Variants in C16orf96 observed in about 807,000 individuals in gnomAD.
C16orf96 encodes uncharacterized protein C16orf96.
Under a neutral mutation model 103.6 loss-of-function variants are expected in C16orf96, and 108 were observed. The observed-to-expected ratio is 1.04, with a 90% CI of 0.89 to 1.22. C16orf96 has a LOEUF of 1.22. Ranked by LOEUF, C16orf96 falls within the 50% of genes most tolerant of loss-of-function variation. The pLI, the probability that C16orf96 is intolerant of heterozygous loss-of-function variation, is 0.00. For missense variants in C16orf96, 1,586 were observed against 1,464.2 expected (o/e 1.08, Z -1.36); for synonymous variants, 566 against 593.5 (o/e 0.95, Z 0.67).
At chr16:4,586,936 C>T in intron 7 of C16orf96, 103 bp from the exon 8 acceptor site, 3 of 1,075,692 alleles carry the variant, frequency 2.8e-6, no homozygotes, top group Non-Finnish European at 4.1e-6. Flanking sequence ...TCCACACGGC[C>T]TGCTATCCCT....
intron 1 of C16orf96, among the ~76,000 whole-genome samples, chr16:4,566,731 T>C (rs78545790): frequency 6.6e-6 from 1 of 152,092 alleles, no homozygotes; most frequent in Admixed American, 6.6e-5. Flanking sequence ...CTATTTCTGC[T>C]TGAGTCAGTT....
chr16:4,599,719 C>T (rs11862083), intron 15 of C16orf96, among the ~76,000 whole-genome samples: 11,145 of 152,276 alleles, frequency 0.073, 765 homozygotes, highest in African/African-American at 0.18. Flanking sequence ...AACCTCATCC[C>T]GACTCCTGTG....
In C16orf96 at chr16:4,600,345, C is replaced by T. The variant is rs1314245263; in HGVS notation, c.*28C>T. 2 of 1,480,248 alleles carry T rather than the reference C, an allele frequency of 1.4e-6. No homozygotes were observed. The highest frequency in any genetic ancestry group is 2.0e-5 in the Admixed American group (1 of 50,838). The allele number at this position is 1,480,248 out of a possible 1,614,324, so 91.7% of individuals were successfully genotyped here. A position where few individuals can be genotyped will look rare whatever the true frequency, so the allele number is the denominator to read the frequency against. On this transcript the variant is annotated 3_prime_UTR_variant, in exon 16 of 16. Transcript: ENST00000444310. ...CCCACCCCGCTGCGCCCCCCATCGC[C>T]AAGTCCCCTCCACGTCCGAGGCTGA...
In C16orf96 at chr16:4,594,511, G is replaced by A. The variant is rs1596539365; in HGVS notation, c.3027+1G>A. 5 of 1,550,354 alleles carry A rather than the reference G, an allele frequency of 3.2e-6. No homozygotes were observed. Among genetic ancestry groups the A allele is most frequent in the Non-Finnish European group, 2.6e-6 (3 of 1,146,272 alleles). On this transcript the variant is annotated splice_donor_variant, in intron 13 of 15. Transcript: ENST00000444310. LOFTEE classifies it high-confidence loss of function. Reference sequence around the variant, plus strand: ...TCCCCACGTGATCGACTATGACAGCGTGAGTCTGGCCGGGGCCTCCTTCTC... The same window carrying A: ...TCCCCACGTGATCGACTATGACAGCATGAGTCTGGCCGGGGCCTCCTTCTC...
intron 9 of C16orf96, among the ~76,000 whole-genome samples, chr16:4,589,002 C>T (rs1019257444): frequency 5.9e-5 from 9 of 152,094 alleles, no homozygotes; most frequent in Non-Finnish European, 1.0e-4. Context: ...GGGGCTGTGA[C>T]TCCTCTAGAC....
rs565539194 is a variant in C16orf96 at position 4,579,029 on chromosome 16, A to G, written c.2241+4A>G. ...CCTCCAGAAATCTAGGCTCAAGGTT[A>G]GTGTCTCCGGCGAAGGGCTTTTGAG... On this transcript the variant is annotated splice_donor_region_variant and intron_variant, in intron 6 of 15. Coordinates refer to ENST00000444310, the MANE Select transcript of C16orf96 (RefSeq NM_001145011.2). The G allele has an allele frequency of 5.0e-5, 77 of 1,551,260 alleles. 1 individual carries two copies. The South Asian group carries it at 9.2e-4, about 18-fold the overall frequency.
chr16:4,593,419 C>A lies in C16orf96; in HGVS notation c.2867+103C>A. On this transcript the variant is annotated intron_variant, in intron 12 of 15. Coordinates refer to ENST00000444310, the MANE Select transcript of C16orf96 (RefSeq NM_001145011.2). This position sits in a 1 kb window ranked among gnomAD's most constrained non-coding sequence, Gnocchi z 4.2. ...GAGACACATCCTCCAGGCCCAGGGA[C>A]CTAAGATTGTCCTGGACATGGCCAG... The A allele has an allele frequency of 8.7e-7, 1 of 1,154,214 alleles. No individual in the cohort carries two copies. Among genetic ancestry groups the A allele is most frequent in the Non-Finnish European group, 1.2e-6 (1 of 806,486 alleles). 71.5% of individuals were successfully genotyped at this position (1,154,214 alleles called of 1,614,324 possible).
chr16:4,558,345 G>A, intron 1 of C16orf96, among the ~76,000 whole-genome samples: 1 of 152,346 alleles, frequency 6.6e-6, no homozygotes, highest in South Asian at 2.1e-4. Context: ...GCCGAGCACA[G>A]TGGCTCACAC....
In C16orf96 at chr16:4,575,618, C is replaced by G; in HGVS notation, c.1138C>G (p.Pro380Ala). ...ACCTGTGCCTGCCCCAGGTGCCCAG[C>G]CTCCACCACTGGGAGACTGGCCTGC... ...LGPVPAPGAQ[P>A]PPLGDWPALP... is the part of the protein sequence containing the mutation. The change falls in exon 5 of 16, where the codon CCT becomes GCT. Residue 380 changes from proline to alanine, a missense_variant. Transcript: ENST00000444310. The G allele has an allele frequency of 6.6e-7, 1 of 1,518,968 alleles. No individual in the cohort carries two copies. The highest frequency in any genetic ancestry group is 8.8e-7 in the Non-Finnish European group (1 of 1,132,900). The allele number at this position is 1,518,968 out of a possible 1,614,324, so 94.1% of individuals were successfully genotyped here. A position where few individuals can be genotyped will look rare whatever the true frequency, so the allele number is the denominator to read the frequency against.
At position 4,576,301 on chromosome 16, in the gene C16orf96, T is replaced by C; in HGVS notation, c.1821T>C (p.Ile607=). 1 of 1,550,804 alleles carries C rather than the reference T, an allele frequency of 6.4e-7. No individual in the cohort carries two copies. The highest frequency in any genetic ancestry group is 8.7e-7 in the Non-Finnish European group (1 of 1,146,996). Residue 607 remains isoleucine (I), a synonymous_variant, in exon 5 of 16, where the codon ATT becomes ATC. Coordinates refer to ENST00000444310, the MANE Select transcript of C16orf96 (RefSeq NM_001145011.2). The stretch of plus-strand genomic sequence containing the variant: ...CCCCAGCCACCAAAATGGCCGCCAT[T>C]GCAACAGACACGGCTGCAGCTGGGC... ...KDAPATKMAA[I]ATDTAAAGPL... is the part of the protein sequence containing the mutation.
At chr16:4,560,185 T>C (rs528729510) in intron 1 of C16orf96, 1 of 152,022 alleles carries the variant, frequency 6.6e-6, no homozygotes, top group South Asian at 2.1e-4. Context: ...GCCTGGCTAA[T>C]TTTTCTTTGC....
chr16:4,575,919 AG>A lies in C16orf96; in HGVS notation c.1441del (p.Asp481IlefsTer84), dbSNP rs1401874768. 1 of 1,551,478 alleles carries A rather than the reference AG, an allele frequency of 6.4e-7. No homozygotes were observed. Among genetic ancestry groups the A allele is most frequent in the African/African-American group, 1.4e-5 (1 of 73,050 alleles). ...AGGGCCCGCAAGGATGGGGCCCCCA[AG>A]GATAGAACTCGCAAGGATGGGGTCC... ...RERARKDGAP[K>X]DRTRKDGVPK... On this transcript the variant is annotated frameshift_variant, in exon 5 of 16. Transcript: ENST00000444310. LOFTEE classifies it high-confidence loss of function.
Position 4,575,298 on chromosome 16 carries a change from AC to A in C16orf96, c.823del (p.Gln275SerfsTer84), listed in dbSNP as rs948520506. ...ATCCAGGTCTCCGAGCCCGTCCAAA[AC>A]CCCCAGCTACTGCAGACTGTCTGGC... Reference protein sequence around the residue: ...RAIQVSEPVQNPQLLQTVWHY... With the variant: ...RAIQVSEPVQXPQLLQTVWHY... On this transcript the variant is annotated frameshift_variant, in exon 5 of 16. Coordinates refer to ENST00000444310, the MANE Select transcript of C16orf96 (RefSeq NM_001145011.2). LOFTEE classifies it high-confidence loss of function. 2 of 1,550,726 alleles carry A rather than the reference AC, an allele frequency of 1.3e-6. No homozygotes were observed. The highest frequency in any genetic ancestry group is 1.4e-5 in the African/African-American group (1 of 73,006).
intron 7 of C16orf96, among the ~76,000 whole-genome samples, chr16:4,586,606 G>T (rs1290241132): frequency 6.6e-6 from 1 of 152,228 alleles, no homozygotes; most frequent in South Asian, 2.1e-4. Context: ...TGTGGGGATA[G>T]GACGTGAGGT....
intron 1 of C16orf96, among the ~76,000 whole-genome samples, chr16:4,562,107 C>A (rs918220945): frequency 6.6e-6 from 1 of 152,140 alleles, no homozygotes; most frequent in Non-Finnish European, 1.5e-5. Flanking sequence ...AGCCATTAAT[C>A]CTGTAGCTTC....
chr16:4,597,619 C>T (rs1234012487), intron 14 of C16orf96, among the ~76,000 whole-genome samples: 2 of 151,436 alleles, frequency 1.3e-5, no homozygotes, highest in East Asian at 3.9e-4. Flanking sequence ...TGCAGTGGGG[C>T]GATCTCAGCT....
In C16orf96 at chr16:4,558,900, C is replaced by T. The variant is rs770022072; in HGVS notation, c.420+1991C>T. On this transcript the variant is annotated intron_variant, in intron 1 of 15. Coordinates refer to ENST00000444310, the MANE Select transcript of C16orf96 (RefSeq NM_001145011.2). The stretch of plus-strand genomic sequence containing the variant: ...ACTGCATTCCAGCCTGGTGACAGAG[C>T]GAGACTCTGTCTCAAAAAAAAAAAA... 6.2e-5 allele frequency among the ~76,000 whole-genome samples: 8 copies of T among 129,108 alleles called. No individual in the cohort carries two copies. The Middle Eastern group carries it at 0.023, about 374-fold the overall frequency. The allele number at this position is 129,108 out of a possible 152,430, so 84.7% of individuals were successfully genotyped here.
intron 15 of C16orf96, 120 bp downstream of exon 15, chr16:4,599,484 C>A (rs1388478031): frequency 1.1e-6 from 1 of 875,228 alleles, no homozygotes; most frequent in Non-Finnish European, 1.8e-6. Flanking sequence ...CCTCCACCTC[C>A]TGCCTGCTTT....
At chr16:4,539,184 G>C in the C16orf96 span, among the ~76,000 whole-genome samples, 1 of 152,194 alleles carries the variant, frequency 6.6e-6, no homozygotes, top group Non-Finnish European at 1.5e-5. Context: ...AAAGAGAGCT[G>C]ACCTAACCCA....
Sources: gnomAD v4.1 joint callset for allele counts (sites outside exome capture counted in the v4.1 genomes callset) on GRCh38, gnomAD v4.1.1 for gene constraint, Gnocchi (gnomAD v3.1) non-coding constraint, MANE v1.5 for transcripts, NCBI Gene and HGNC (gene_info 2026-07-23, HGNC 2026-07-21) for gene names.